Variants in ISY1 observed in about 807,000 individuals in gnomAD.
ISY1 encodes pre-mRNA-splicing factor ISY1 homolog.
A neutral mutation model predicts 54.4 loss-of-function variants in ISY1; 12 were observed. The observed-to-expected ratio is 0.22, with a 90% CI of 0.14 to 0.36. The LOEUF (loss-of-function observed/expected upper bound fraction) is 0.36. Among genes scored for constraint, ISY1 ranks in the 10% least tolerant of loss-of-function variants. The probability of loss-of-function intolerance (pLI) is 1.00; values close to 1 mark genes in which losing one functional copy is unlikely to be tolerated. For missense variants in ISY1, 282 were observed against 342.2 expected (o/e 0.82, Z 1.39); for synonymous variants, 96 against 117.9 (o/e 0.81, Z 1.20).
intron 5 of ISY1, among the ~76,000 whole-genome samples, chr3:129,154,296 T>C (rs1937066897): frequency 7.0e-6 from 1 of 143,392 alleles, no homozygotes; most frequent in Non-Finnish European, 1.5e-5. Context: ...GTGCCTGTAA[T>C]CCCAGCTACT....
chr3:129,154,439 CAAAAAAAAAAAA>C (rs58548903), intron 5 of ISY1, among the ~76,000 whole-genome samples: 2 of 33,410 alleles, frequency 6.0e-5, no homozygotes, highest in East Asian at 7.7e-4. Context: ...GACTCCATCT[CAAAAAAAAAAAA>C]AAAAAAAAAA....
chr3:129,133,930 G>T, intron 9 of ISY1, 144 bp downstream of exon 9: 1 of 1,414,708 alleles, frequency 7.1e-7, no homozygotes, highest in Non-Finnish European at 9.5e-7. Flanking sequence ...CTGTAATCTC[G>T]CAAGTGTTTT....
intron 1 of ISY1, among the ~76,000 whole-genome samples, chr3:129,160,651 C>T (rs1937279063): frequency 1.3e-5 from 2 of 152,118 alleles, no homozygotes; most frequent in Admixed American, 1.3e-4. Context: ...TATTTAGGGA[C>T]AAACAGCCGG....
chr3:129,144,205 T>TA, intron 6 of ISY1: 3 of 404,854 alleles, frequency 7.4e-6, no homozygotes, highest in South Asian at 3.7e-5. Context: ...ATCGGAATGA[T>TA]ACAGAGAAGA....
At chr3:129,154,244 A>C (rs78731250) in intron 5 of ISY1, among the ~76,000 whole-genome samples, 46 of 123,688 alleles carry the variant, frequency 3.7e-4, no homozygotes, top group Non-Finnish European at 5.4e-4. Flanking sequence ...CTCTGTCTCA[A>C]AAAAAAAAAA....
At chr3:129,157,427 A>G (rs1937174623) in intron 3 of ISY1, among the ~76,000 whole-genome samples, 1 of 152,070 alleles carries the variant, frequency 6.6e-6, no homozygotes, top group East Asian at 1.9e-4. Flanking sequence ...GTAATAAAGG[A>G]CCCAGTCATC....
At chr3:129,133,485 G>A (rs149399667) in intron 9 of ISY1, among the ~76,000 whole-genome samples, 1,784 of 152,258 alleles carry the variant, frequency 0.012, 14 homozygotes, top group Non-Finnish European at 0.016. Context: ...CACAAGGTCA[G>A]GAGTTCGAGA....
At chr3:129,160,918 G>GCCCCCCCCCCCCCCCCCC in intron 1 of ISY1, 55 bp downstream of exon 1, 3 of 666,128 alleles carry the variant, frequency 4.5e-6, no homozygotes, top group South Asian at 1.6e-5. Flanking sequence ...TGGACTGGGC[G>GCCCCCCCCCCCCCCCCCC]CCCCCCCGCC....
chr3:129,131,146 G>A (rs1307018749), intron 9 of ISY1, among the ~76,000 whole-genome samples: 1 of 152,164 alleles, frequency 6.6e-6, no homozygotes, highest in Non-Finnish European at 1.5e-5. Flanking sequence ...GCCAGACACC[G>A]TGCACGACCC....
At position 129,130,537 on chromosome 3, in the gene ISY1, G is replaced by A. The variant is rs929227482; in HGVS notation, c.750+13C>T. On this transcript the variant is annotated intron_variant, in intron 10 of 10. Transcript: ENST00000393295. The stretch of plus-strand genomic sequence containing the variant: ...GCCCCCGGCGCCCAGGCAGCTCTTA[G>A]CTGTGGTCCTACCTCTTGCTGCGAG... 3.1e-6 allele frequency: 5 copies of A among 1,613,620 alleles called. No individual in the cohort carries two copies. Among genetic ancestry groups the A allele is most frequent in the Non-Finnish European group, 3.4e-6 (4 of 1,179,844 alleles).
intron 7 of ISY1, among the ~76,000 whole-genome samples, chr3:129,138,382 T>G (rs1031711241): frequency 1.3e-5 from 2 of 151,400 alleles, no homozygotes; most frequent in African/African-American, 4.9e-5. Context: ...ACGCCTGTAA[T>G]CCCAGCACTT....
At chr3:129,130,783 G>A (rs918935230) in intron 9 of ISY1, 147 bp from the exon 10 acceptor site, 1 of 813,464 alleles carries the variant, frequency 1.2e-6, no homozygotes, top group South Asian at 2.1e-5. Flanking sequence ...TGACCCACAA[G>A]ATTAAGTAAA....
chr3:129,134,484 G>A (rs190947196), intron 8 of ISY1, among the ~76,000 whole-genome samples: 1 of 152,274 alleles, frequency 6.6e-6, no homozygotes, highest in Admixed American at 6.5e-5. Context: ...AGAAGGCAGG[G>A]GCAGAGCATG....
At chr3:129,159,737 C>A (rs1317356550) in intron 1 of ISY1, among the ~76,000 whole-genome samples, 1 of 152,192 alleles carries the variant, frequency 6.6e-6, no homozygotes, top group African/African-American at 2.4e-5. Flanking sequence ...CAGGGACTTA[C>A]ATTCCCAGTT....
intron 1 of ISY1, among the ~76,000 whole-genome samples, chr3:129,159,415 T>C (rs756054085): frequency 6.6e-6 from 1 of 152,176 alleles, no homozygotes; most frequent in Non-Finnish European, 1.5e-5. Flanking sequence ...TCTGGCTAAC[T>C]TGCATTATTC....
At chr3:129,137,157 C>CA in intron 7 of ISY1, 1 of 528,882 alleles carries the variant, frequency 1.9e-6, no homozygotes, top group Middle Eastern at 5.3e-4. Flanking sequence ...CTCAGCCTCC[C>CA]AAAGTGCTGG....
At chr3:129,149,745 T>C (rs1268786090) in intron 5 of ISY1, among the ~76,000 whole-genome samples, 2 of 117,872 alleles carry the variant, frequency 1.7e-5, no homozygotes, top group Non-Finnish European at 3.3e-5. Flanking sequence ...GCCAAGATCG[T>C]ACCACTGCAC....
Position 129,137,402 on chromosome 3 carries a change from A to C in ISY1, c.419-2448T>G, listed in dbSNP as rs971975462. On this transcript the variant is annotated intron_variant, in intron 7 of 10. Transcript: ENST00000393295. Reference sequence around the variant, plus strand: ...AAATCTTTTCAATAGATGACAAAAAAGGAAAAATAAATTTAAAAACCCAAA... The same window carrying C: ...AAATCTTTTCAATAGATGACAAAAACGGAAAAATAAATTTAAAAACCCAAA... 2.0e-5 allele frequency among the ~76,000 whole-genome samples: 3 copies of C among 152,354 alleles called. No individual in the cohort carries two copies. The East Asian group carries it at 5.8e-4, about 29-fold the overall frequency.
intron 1 of ISY1, 86 bp from the exon 2 acceptor site, chr3:129,159,262 A>C (rs1436649824): frequency 6.5e-7 from 1 of 1,542,238 alleles, no homozygotes; most frequent in African/African-American, 1.4e-5. Flanking sequence ...AAAGTTTTAC[A>C]AGAATACAAT....
Sources: allele counts gnomAD v4.1 joint callset (sites outside exome capture counted in the v4.1 genomes callset), GRCh38; gene constraint gnomAD v4.1.1; transcripts MANE v1.5; gene names NCBI Gene and HGNC (gene_info 2026-07-23, HGNC 2026-07-21).